The following ZNF827 variants were observed in gnomAD, a reference collection of about 807,000 sequenced individuals.
ZNF827 encodes zinc finger protein 827.
Under a neutral mutation model 102.4 loss-of-function variants are expected in ZNF827, and 13 were observed. That is an observed-to-expected ratio of 0.13 (90% CI 0.08 to 0.20). The LOEUF is 0.20. Among genes scored for constraint, ZNF827 ranks in the 10% least tolerant of loss-of-function variants. The probability of loss-of-function intolerance (pLI) is 1.00; values close to 1 mark genes in which losing one functional copy is unlikely to be tolerated. For synonymous variants in ZNF827, 523 were observed against 536.2 expected (o/e 0.98, Z 0.34); for missense variants, 1,103 against 1,344.4 (o/e 0.82, Z 2.81).
chr4:145,851,223 C>G lies in ZNF827; in HGVS notation c.1982-1662G>C, dbSNP rs548140143. 3.3e-5 allele frequency among the ~76,000 whole-genome samples: 5 copies of G among 152,282 alleles called. No homozygotes were observed. The South Asian group carries it at 8.3e-4, about 25-fold the overall frequency. ...ATGAGAGAATAAATATCTGTTGTTT[C>G]AAGCTTCCAACTTTGTGGTAACTTG... On this transcript the variant is annotated intron_variant, in intron 5 of 14. Coordinates refer to ENST00000508784, the MANE Select transcript of ZNF827 (RefSeq NM_001306215.2).
At chr4:145,805,557 T>G (rs1419513813) in intron 8 of ZNF827, among the ~76,000 whole-genome samples, 1 of 152,230 alleles carries the variant, frequency 6.6e-6, no homozygotes, top group Non-Finnish European at 1.5e-5. Flanking sequence ...CTTTTATCTT[T>G]ATGCAGGGCC....
chr4:145,884,922 A>C (rs564588330), intron 4 of ZNF827, among the ~76,000 whole-genome samples: 2 of 152,132 alleles, frequency 1.3e-5, no homozygotes, highest in East Asian at 3.9e-4. Flanking sequence ...AGATTCAAAG[A>C]CATAAAGTAG....
In ZNF827 at chr4:145,870,388, G is replaced by A. The variant is rs1293615456; in HGVS notation, c.1838C>T (p.Ser613Phe). Residue 613 changes from serine (S) to phenylalanine (F), a missense_variant, in exon 5 of 15, where the codon TCC (serine) becomes TTC (phenylalanine). Ser to Phe is a radical substitution (Grantham distance 155). This residue lies in a region of ZNF827 where 243 missense variants were observed against 251.6 expected (regional missense o/e 0.97). Transcript: ENST00000508784. ...AGATTCCGGGCTGAACACATAGCTG[G>A]ACCGAGGCAAAGTCGTGCTTAGGGA... ...GESLSTTLPR[S>F]SYVFSPESEV... is the part of the protein sequence containing the mutation. 1 of 1,614,092 alleles carries A rather than the reference G, an allele frequency of 6.2e-7. No homozygotes were observed. Among genetic ancestry groups the A allele is most frequent in the Admixed American group, 1.7e-5 (1 of 60,014 alleles).
intron 5 of ZNF827, among the ~76,000 whole-genome samples, chr4:145,861,509 T>C (rs372493733): frequency 8.1e-4 from 123 of 152,282 alleles, no homozygotes; most frequent in Middle Eastern, 3.4e-3. Context: ...CATCAAATCG[T>C]ATTTACCAGC....
At chr4:145,799,268 T>C (rs1740660176) in intron 8 of ZNF827, among the ~76,000 whole-genome samples, 1 of 152,210 alleles carries the variant, frequency 6.6e-6, no homozygotes, top group African/African-American at 2.4e-5. Flanking sequence ...GGCACAGCAA[T>C]CACCCATAAC....
intron 8 of ZNF827, among the ~76,000 whole-genome samples, chr4:145,791,665 G>A (rs1158641321): frequency 2.0e-5 from 3 of 152,016 alleles, no homozygotes; most frequent in Admixed American, 2.0e-4. Context: ...GAAAACTTTG[G>A]ATTTAGGTAT....
intron 4 of ZNF827, among the ~76,000 whole-genome samples, chr4:145,873,081 G>A (rs1029723906): frequency 6.6e-6 from 1 of 150,728 alleles, no homozygotes; most frequent in African/African-American, 2.4e-5. Flanking sequence ...GACTACAGGC[G>A]CCCGCCACCA....
intron 8 of ZNF827, among the ~76,000 whole-genome samples, chr4:145,819,340 C>T (rs1742916892): frequency 6.6e-6 from 1 of 152,112 alleles, no homozygotes; most frequent in South Asian, 2.1e-4. Flanking sequence ...ACTGTGACTT[C>T]AAATCATAAT....
intron 1 of ZNF827, among the ~76,000 whole-genome samples, chr4:145,912,027 C>T (rs1752333502): frequency 6.6e-6 from 1 of 152,154 alleles, no homozygotes. Flanking sequence ...AACATGCATG[C>T]TTACTGAGTG....
At chr4:145,777,509 G>A (rs139048767) in intron 9 of ZNF827, among the ~76,000 whole-genome samples, 2,033 of 152,080 alleles carry the variant, frequency 0.013, 41 homozygotes, top group African/African-American at 0.046. Flanking sequence ...CCCCACTTTG[G>A]GTCAATTTTA....
At chr4:145,903,329 A>C in intron 1 of ZNF827, 114 bp from the exon 2 acceptor site, 1 of 1,448,446 alleles carries the variant, frequency 6.9e-7, no homozygotes. Context: ...CAAGAACCAA[A>C]TGAAAGGTGG....
intron 1 of ZNF827, among the ~76,000 whole-genome samples, chr4:145,937,887 C>A (rs1754334927): frequency 6.7e-6 from 1 of 150,286 alleles, no homozygotes; most frequent in East Asian, 2.0e-4. Context: ...ATGTCACGGC[C>A]CCCAGCCCTC....
rs1472113219 is a variant in ZNF827 at position 145,763,190 on chromosome 4, A to C, written c.3231-68T>G. On this transcript the variant is annotated intron_variant, in intron 13 of 14. Coordinates refer to ENST00000508784, the MANE Select transcript of ZNF827 (RefSeq NM_001306215.2). This position sits in a 1 kb window ranked among gnomAD's most constrained non-coding sequence, Gnocchi z 4.6. The stretch of plus-strand genomic sequence containing the variant: ...CATTATGAACAGGATATAGAGTACA[A>C]GCAGTTCCATCACAGAAAAGCAATT... 6.8e-7 allele frequency: 1 copy of C among 1,480,914 alleles called. No individual in the cohort carries two copies. Among genetic ancestry groups the C allele is most frequent in the Non-Finnish European group, 9.1e-7 (1 of 1,104,338 alleles). 91.7% of individuals were successfully genotyped at this position (1,480,914 alleles called of 1,614,324 possible).
chr4:145,935,082 C>G (rs1171248573), intron 1 of ZNF827, among the ~76,000 whole-genome samples: 3 of 152,162 alleles, frequency 2.0e-5, no homozygotes, highest in Non-Finnish European at 4.4e-5. Context: ...TTACACACTC[C>G]TTTCTTTTAG....
intron 5 of ZNF827, among the ~76,000 whole-genome samples, chr4:145,853,606 A>G (rs542013425): frequency 4.3e-4 from 66 of 152,060 alleles, no homozygotes; most frequent in African/African-American, 1.4e-3. Flanking sequence ...CAAACAACCC[A>G]CAAAAAAACA....
chr4:145,853,829 G>A (rs1289534170), intron 5 of ZNF827, among the ~76,000 whole-genome samples: 1 of 151,956 alleles, frequency 6.6e-6, no homozygotes, highest in Admixed American at 6.6e-5. Flanking sequence ...GCTGAGTGTG[G>A]TGGCACATGC....
intron 3 of ZNF827, among the ~76,000 whole-genome samples, chr4:145,890,787 A>G (rs1260630561): frequency 6.6e-6 from 1 of 152,252 alleles, no homozygotes; most frequent in East Asian, 1.9e-4. Flanking sequence ...AGTAAAAACT[A>G]AGTCGGCTGA....
intron 1 of ZNF827, among the ~76,000 whole-genome samples, chr4:145,913,425 C>CAAAA (rs775706430): frequency 1.5e-3 from 109 of 72,812 alleles, no homozygotes; most frequent in Middle Eastern, 0.015. Flanking sequence ...GACCCTGTCT[C>CAAAA]AAAAAAAAAA....
At chr4:145,885,158 A>T (rs908002337) in intron 4 of ZNF827, among the ~76,000 whole-genome samples, 2 of 152,192 alleles carry the variant, frequency 1.3e-5, no homozygotes, top group East Asian at 1.9e-4. Context: ...AAAACCTGAA[A>T]AACTTCTTAA....
Sources: gnomAD v4.1 joint callset for allele counts (sites outside exome capture counted in the v4.1 genomes callset) on GRCh38, gnomAD v4.1.1 for gene constraint, gnomAD v4.1.1 regional missense constraint, Gnocchi (gnomAD v3.1) non-coding constraint, MANE v1.5 for transcripts, NCBI Gene and HGNC (gene_info 2026-07-23, HGNC 2026-07-21) for gene names.